MEIS1: variants seen among roughly 807,000 people sequenced by gnomAD.
MEIS1 encodes Meis homeobox 1, also known as homeobox protein Meis1.
Under a neutral mutation model 50.8 loss-of-function variants are expected in MEIS1, and 5 were observed. The observed-to-expected ratio is 0.10, with a 90% CI of 0.05 to 0.21. The LOEUF is 0.21. MEIS1 is among the 10% of genes least tolerant of loss of function. The probability of loss-of-function intolerance (pLI) is 1.00; values close to 1 mark genes in which losing one functional copy is unlikely to be tolerated. For missense variants in MEIS1, 318 were observed against 517.3 expected (o/e 0.61, Z 3.74); for synonymous variants, 176 against 179.3 (o/e 0.98, Z 0.15).
chr2:66,498,131 G>A (rs940864906), intron 7 of MEIS1, among the ~76,000 whole-genome samples: 1 of 152,176 alleles, frequency 6.6e-6, no homozygotes, highest in Non-Finnish European at 1.5e-5. Context: ...TCATTTTGGA[G>A]CTTTGAGTGG....
chr2:66,476,203 G>T (rs922089014), intron 7 of MEIS1, among the ~76,000 whole-genome samples: 1 of 152,120 alleles, frequency 6.6e-6, no homozygotes, highest in Admixed American at 6.5e-5. Flanking sequence ...TTCTGATGCT[G>T]CAGTCCTTAA....
intron 8 of MEIS1, among the ~76,000 whole-genome samples, chr2:66,515,305 C>T (rs1363600576): frequency 6.6e-6 from 1 of 152,112 alleles, no homozygotes; most frequent in Non-Finnish European, 1.5e-5. Context: ...ATAAATGGAT[C>T]AATCCTTTCA....
intron 9 of MEIS1, among the ~76,000 whole-genome samples, chr2:66,559,969 A>T (rs1038085160): frequency 2.4e-4 from 36 of 151,914 alleles, no homozygotes; most frequent in African/African-American, 8.2e-4. Flanking sequence ...GCTAATTTTT[A>T]CATTTTTTGT....
chr2:66,437,282 CT>C (rs75658376), intron 1 of MEIS1: 4,907 of 142,970 alleles, frequency 0.034, 69 homozygotes, highest in Middle Eastern at 0.076. Context: ...CCCATCGTAA[CT>C]TTTTTTTTTT....
chr2:66,538,889 T>A (rs78227701), intron 8 of MEIS1, among the ~76,000 whole-genome samples: 1 of 151,630 alleles, frequency 6.6e-6, no homozygotes, highest in African/African-American at 2.4e-5. Flanking sequence ...TTTTTTTTTT[T>A]TTTTGTTTGT....
At chr2:66,524,521 T>A (rs2103879468) in intron 8 of MEIS1, among the ~76,000 whole-genome samples, 1 of 151,986 alleles carries the variant, frequency 6.6e-6, no homozygotes. Context: ...ATTGCACCAC[T>A]GCACTCCAGC....
At chr2:66,439,811 A>T in intron 2 of MEIS1, 32 bp from the exon 3 acceptor site, 1 of 1,610,054 alleles carries the variant, frequency 6.2e-7, no homozygotes, top group South Asian at 1.1e-5. Flanking sequence ...ACTAACCATT[A>T]TGTTGTTTGT....
At chr2:66,555,309 CCTCT>C (rs1469174753) in intron 9 of MEIS1, among the ~76,000 whole-genome samples, 4 of 148,348 alleles carry the variant, frequency 2.7e-5, no homozygotes, top group African/African-American at 1.0e-4. Flanking sequence ...AACCCCCCTC[CCTCT>C]TTCATTTGGC....
rs577428045 is a variant in MEIS1 at position 66,540,845 on chromosome 2, A to T, written c.889-7098A>T. Among the ~76,000 whole-genome samples the T allele has an allele frequency of 3.9e-5, 6 of 152,216 alleles. 1 individual carries two copies. The highest frequency in any genetic ancestry group is 1.4e-4 in the African/African-American group (6 of 41,554). ...AGCTAATGAAGAATATATCTAAAAC[A>T]TTGTTATTTTATAAATTTGTAAGCA... On this transcript the variant is annotated intron_variant, in intron 8 of 12. Transcript: ENST00000272369.
chr2:66,444,002 C>T (rs964334714), intron 6 of MEIS1, among the ~76,000 whole-genome samples: 2 of 152,108 alleles, frequency 1.3e-5, no homozygotes, highest in Admixed American at 6.5e-5. Flanking sequence ...CCCAGGGTGC[C>T]TCTCTCTCTC....
At chr2:66,441,490 T>G in intron 5 of MEIS1, 26 bp downstream of exon 5, 1 of 1,525,570 alleles carries the variant, frequency 6.6e-7, no homozygotes, top group Non-Finnish European at 8.8e-7. Flanking sequence ...TCTTTTCCTT[T>G]TACTTACCCC....
chr2:66,436,872 G>GTTTTT (rs5831809), intron 1 of MEIS1: 38 of 890,746 alleles, frequency 4.3e-5, no homozygotes, highest in African/African-American at 9.4e-5. Flanking sequence ...TATGAAAGTA[G>GTTTTT]TTTTTTTTTT....
chr2:66,488,703 A>C (rs1673200961), intron 7 of MEIS1, among the ~76,000 whole-genome samples: 1 of 152,184 alleles, frequency 6.6e-6, no homozygotes, highest in Admixed American at 6.5e-5. Flanking sequence ...TCTATTGGTA[A>C]AAAGCAGCTG....
intron 6 of MEIS1, among the ~76,000 whole-genome samples, chr2:66,453,695 T>C (rs1672326456): frequency 6.6e-6 from 1 of 151,946 alleles, no homozygotes. Context: ...AAAGAAACCA[T>C]AGGGAAATTA....
chr2:66,452,966 A>G (rs1461783045), intron 6 of MEIS1, among the ~76,000 whole-genome samples: 1 of 151,932 alleles, frequency 6.6e-6, no homozygotes, highest in African/African-American at 2.4e-5. Flanking sequence ...TTTTATTCTA[A>G]TAATTATTCA....
intron 7 of MEIS1, among the ~76,000 whole-genome samples, chr2:66,466,377 G>A (rs1348423117): frequency 6.6e-6 from 1 of 152,226 alleles, no homozygotes; most frequent in East Asian, 1.9e-4. Flanking sequence ...GCTGTTGGGA[G>A]CCCCACCTTC....
intron 8 of MEIS1, among the ~76,000 whole-genome samples, chr2:66,545,017 C>T (rs1674754958): frequency 6.6e-6 from 1 of 152,098 alleles, no homozygotes; most frequent in Non-Finnish European, 1.5e-5. Context: ...AAAACTTGCT[C>T]ATAAACAGGC....
intron 9 of MEIS1, among the ~76,000 whole-genome samples, chr2:66,554,598 T>C (rs1050762837): frequency 1.3e-5 from 2 of 152,206 alleles, no homozygotes; most frequent in Admixed American, 6.5e-5. Flanking sequence ...TCCCTACTCC[T>C]TGGATTTGGG....
chr2:66,500,853 C>T (rs987489081), intron 7 of MEIS1, among the ~76,000 whole-genome samples: 2 of 152,058 alleles, frequency 1.3e-5, no homozygotes, highest in African/African-American at 2.4e-5. Context: ...CACATATATA[C>T]ATGCATAGCA....
Sources: gnomAD v4.1 joint callset for allele counts (sites outside exome capture counted in the v4.1 genomes callset) on GRCh38, gnomAD v4.1.1 for gene constraint, MANE v1.5 for transcripts, NCBI Gene and HGNC (gene_info 2026-07-23, HGNC 2026-07-21) for gene names.